Variants in DNAJC5B observed in about 807,000 individuals in gnomAD.
DNAJC5B encodes the protein DnaJ heat shock protein family (Hsp40) member C5 beta.
A neutral mutation model predicts 24.7 loss-of-function variants in DNAJC5B; 23 were observed. The ratio of observed to expected loss-of-function variants is 0.93; its 90% CI spans 0.67 to 1.32. The LOEUF is 1.32. DNAJC5B is among the 40% of genes most tolerant of loss of function. The probability of loss-of-function intolerance (pLI) is 0.00; values close to 1 mark genes in which losing one functional copy is unlikely to be tolerated. For missense variants in DNAJC5B, 238 were observed against 240.8 expected (o/e 0.99, Z 0.08); for synonymous variants, 101 against 90.1 (o/e 1.12, Z -0.68).
At chr8:66,060,002 T>C (rs555055325) in intron 3 of DNAJC5B, among the ~76,000 whole-genome samples, 1 of 152,374 alleles carries the variant, frequency 6.6e-6, no homozygotes, top group East Asian at 1.9e-4. Flanking sequence ...CCTGCTGGGC[T>C]GTACCTCTGG....
intron 5 of DNAJC5B, among the ~76,000 whole-genome samples, chr8:66,098,965 T>C (rs1415753153): frequency 6.6e-6 from 1 of 151,970 alleles, no homozygotes; most frequent in African/African-American, 2.4e-5. Flanking sequence ...TGTTTCCATA[T>C]GTAATCTCTG....
intron 5 of DNAJC5B, among the ~76,000 whole-genome samples, chr8:66,082,660 T>C (rs2128965114): frequency 6.6e-6 from 1 of 152,266 alleles, no homozygotes; most frequent in East Asian, 1.9e-4. Flanking sequence ...AAGGAAAAGC[T>C]TTATCTTGTT....
chr8:66,083,356 C>T (rs1235295502), intron 5 of DNAJC5B, among the ~76,000 whole-genome samples: 2 of 152,068 alleles, frequency 1.3e-5, no homozygotes, highest in Non-Finnish European at 2.9e-5. Context: ...TCTGCCTTTC[C>T]TCTAGCATGT....
intron 1 of DNAJC5B, among the ~76,000 whole-genome samples, chr8:66,033,033 C>A (rs887008802): frequency 4.6e-5 from 7 of 152,236 alleles, no homozygotes; most frequent in African/African-American, 1.7e-4. Context: ...ATCGGAGACT[C>A]AGGAGAGCAT....
chr8:66,033,034 A>C (rs1332760535), intron 1 of DNAJC5B, among the ~76,000 whole-genome samples: 1 of 152,240 alleles, frequency 6.6e-6, no homozygotes, highest in Non-Finnish European at 1.5e-5. Context: ...TCGGAGACTC[A>C]GGAGAGCATG....
At chr8:66,036,342 G>A (rs1166108925) in intron 1 of DNAJC5B, among the ~76,000 whole-genome samples, 5 of 152,182 alleles carry the variant, frequency 3.3e-5, no homozygotes, top group African/African-American at 1.2e-4. Context: ...ATGGAGTGGA[G>A]ATCTCAGAAT....
In DNAJC5B at chr8:66,080,362, C is replaced by T; in HGVS notation, c.334-15C>T. On this transcript the variant is annotated splice_polypyrimidine_tract_variant and intron_variant, in intron 4 of 5. Transcript: ENST00000276570. The stretch of plus-strand genomic sequence containing the variant: ...CACCCCTCATCCTCATTTTGCTTTA[C>T]CTCTGTTTCCCTAGGCCCTGTTTGT... 5 of 1,605,896 alleles carry T rather than the reference C, an allele frequency of 3.1e-6. No homozygotes were observed. The highest frequency in any genetic ancestry group is 1.7e-5 in the Admixed American group (1 of 59,666).
chr8:66,044,726 G>A (rs1806688476), intron 2 of DNAJC5B, among the ~76,000 whole-genome samples: 1 of 152,072 alleles, frequency 6.6e-6, no homozygotes, highest in South Asian at 2.1e-4. Flanking sequence ...GTAATTTTAA[G>A]TTCAGAAGAT....
At chr8:66,045,359 T>A (rs1806700785) in intron 2 of DNAJC5B, among the ~76,000 whole-genome samples, 1 of 152,244 alleles carries the variant, frequency 6.6e-6, no homozygotes. Context: ...ATAAACACTC[T>A]ATACTACCCA....
intron 4 of DNAJC5B, 36 bp downstream of exon 4, chr8:66,076,909 A>G (rs750259237): frequency 1.9e-6 from 3 of 1,607,318 alleles, no homozygotes; most frequent in Non-Finnish European, 2.6e-6. Context: ...AATCTCCTGT[A>G]AGACCATGAT....
rs1223842107 is a variant in DNAJC5B at position 66,027,520 on chromosome 8, T to C, written c.-142+5815T>C. 2.0e-5 allele frequency among the ~76,000 whole-genome samples: 3 copies of C among 152,012 alleles called. No homozygotes were observed. In the East Asian group the frequency reaches 5.8e-4, roughly 29 times the overall value. On this transcript the variant is annotated intron_variant, in intron 1 of 5. Coordinates refer to ENST00000276570, the MANE Select transcript of DNAJC5B (RefSeq NM_033105.6). ...AAGTGGTGTGGAGTACTATGGCATG[T>C]AATTCACTATAAATGAAAGTTCCAC...
chr8:66,062,955 G>A (rs115550442), intron 3 of DNAJC5B, among the ~76,000 whole-genome samples: 6,533 of 152,178 alleles, frequency 0.043, 470 homozygotes, highest in African/African-American at 0.15. Context: ...GGCTGCAGTA[G>A]GCCATGATTG....
intron 1 of DNAJC5B, among the ~76,000 whole-genome samples, chr8:66,029,425 G>C (rs997705298): frequency 6.6e-6 from 1 of 152,204 alleles, no homozygotes; most frequent in Admixed American, 6.5e-5. Context: ...GGGCAAGTCC[G>C]TGGGGCTGGC....
At chr8:66,060,511 CAAA>C (rs1417607583) in intron 3 of DNAJC5B, among the ~76,000 whole-genome samples, 1 of 152,224 alleles carries the variant, frequency 6.6e-6, no homozygotes, top group African/African-American at 2.4e-5. Flanking sequence ...GACAATGACT[CAAA>C]GAGCAGCCCT....
intron 3 of DNAJC5B, among the ~76,000 whole-genome samples, chr8:66,074,230 C>A (rs1473873046): frequency 6.6e-6 from 1 of 152,142 alleles, no homozygotes; most frequent in Non-Finnish European, 1.5e-5. Context: ...TGGTTAGAAT[C>A]AGGCCTCAGG....
intron 2 of DNAJC5B, among the ~76,000 whole-genome samples, chr8:66,049,760 A>G (rs1460146300): frequency 6.6e-6 from 1 of 152,228 alleles, no homozygotes; most frequent in Non-Finnish European, 1.5e-5. Context: ...GATTAGTGAC[A>G]GCAAGATCCA....
chr8:66,066,439 T>C (rs576524097), intron 3 of DNAJC5B, among the ~76,000 whole-genome samples: 1 of 152,332 alleles, frequency 6.6e-6, no homozygotes, highest in South Asian at 2.1e-4. Flanking sequence ...CATGTACTTA[T>C]TGCAGCACAA....
chr8:66,019,090 A>G (rs566318000), upstream of DNAJC5B, among the ~76,000 whole-genome samples: 1 of 152,144 alleles, frequency 6.6e-6, no homozygotes, highest in South Asian at 2.1e-4. Context: ...CATAACCCAC[A>G]CCTCCACAGA....
intron 3 of DNAJC5B, among the ~76,000 whole-genome samples, chr8:66,070,975 G>A (rs1189395748): frequency 3.3e-5 from 5 of 152,106 alleles, no homozygotes; most frequent in Admixed American, 6.6e-5. Context: ...TTAATAAATC[G>A]TGTTGGGAAA....
Sources: gnomAD v4.1 joint callset for allele counts (sites outside exome capture counted in the v4.1 genomes callset) on GRCh38, gnomAD v4.1.1 for gene constraint, MANE v1.5 for transcripts, NCBI Gene and HGNC (gene_info 2026-07-23, HGNC 2026-07-21) for gene names.